The following IL23R variants were observed in gnomAD, a reference collection of about 807,000 sequenced individuals.
IL23R encodes the protein interleukin-23 receptor.
Under a neutral mutation model 56.9 loss-of-function variants are expected in IL23R, and 34 were observed. The ratio of observed to expected loss-of-function variants is 0.60; its 90% CI spans 0.45 to 0.80. The LOEUF (loss-of-function observed/expected upper bound fraction) is 0.80, where lower values mean the gene tolerates loss of function less well. Among genes scored for constraint, IL23R ranks in the 30% least tolerant of loss-of-function variants. IL23R has a pLI of 0.00. For missense variants in IL23R, 635 were observed against 730.0 expected (o/e 0.87, Z 1.50); for synonymous variants, 230 against 249.2 (o/e 0.92, Z 0.73).
rs75774289 is a variant in IL23R, at chr1:67,139,344, C to A, written c.-634+183C>A. ...TACCAGTCATTTACTTTTGCTAGGC[C>A]AAGCACAGTGCCTAGCAAAAAGCAG... On this transcript the variant is annotated intron_variant, in intron 1 of 10. Coordinates refer to the IL23R transcript ENST00000637002. Among the ~76,000 whole-genome samples, 73 of 152,234 alleles carry A rather than the reference C, an allele frequency of 4.8e-4. 1 individual carries two copies. The East Asian group carries it at 0.013, about 26-fold the overall frequency.
chr1:67,165,391 G>A (rs888896891), upstream of IL23R, among the ~76,000 whole-genome samples: 27 of 152,168 alleles, frequency 1.8e-4, no homozygotes, highest in Non-Finnish European at 3.2e-4. Context: ...ATGGAAAACA[G>A]TGTGAAATAA....
At chr1:67,144,233 A>G (rs761134215) in intron 1 of IL23R, among the ~76,000 whole-genome samples, 105 of 152,206 alleles carry the variant, frequency 6.9e-4, no homozygotes, top group Non-Finnish European at 1.4e-3. Context: ...CGAAATCATT[A>G]CTACAGAGCA....
At chr1:67,218,974 T>A (rs1006128306) in intron 6 of IL23R, among the ~76,000 whole-genome samples, 3 of 149,446 alleles carry the variant, frequency 2.0e-5, no homozygotes, top group African/African-American at 4.9e-5. Context: ...CACACACATA[T>A]AAATAAATAA....
intron 5 of IL23R, among the ~76,000 whole-genome samples, chr1:67,203,729 A>G (rs1283757153): frequency 6.6e-6 from 1 of 152,238 alleles, no homozygotes; most frequent in Non-Finnish European, 1.5e-5. Context: ...TGCCACTGAG[A>G]ACAGAAGACT....
intron 1 of IL23R, among the ~76,000 whole-genome samples, chr1:67,144,343 T>G (rs943164890): frequency 2.0e-5 from 3 of 152,240 alleles, no homozygotes; most frequent in African/African-American, 4.8e-5. Context: ...TATATTGGCA[T>G]TCCTTCTAGA....
chr1:67,257,516 C>T (rs1057122857), intron 10 of IL23R, among the ~76,000 whole-genome samples: 1 of 152,090 alleles, frequency 6.6e-6, no homozygotes, highest in Non-Finnish European at 1.5e-5. Context: ...GGCACACAAA[C>T]GTTTAGTCCG....
intron 4 of IL23R, among the ~76,000 whole-genome samples, chr1:67,193,694 C>A (rs1024744505): frequency 6.6e-6 from 1 of 152,040 alleles, no homozygotes; most frequent in Non-Finnish European, 1.5e-5. Context: ...GAGGAAAAAC[C>A]AAAGTGTTGT....
intron 7 of IL23R, among the ~76,000 whole-genome samples, chr1:67,228,363 C>CATTTTTTTTT (rs1650877147): frequency 1.9e-5 from 2 of 105,790 alleles, no homozygotes; most frequent in South Asian, 3.9e-4. Context: ...TTTTTTCTTC[C>CATTTTTTTTT]TTTTTTTTTT....
chr1:67,259,147 AAT>A lies in IL23R; in HGVS notation c.*22_*23del. The stretch of plus-strand genomic sequence containing the variant: ...AAAGTAGAGCTGTGTGGTCAAAATC[AAT>A]ATGAGAAAGCTGCCTTGCAATCTGA... On this transcript the variant is annotated 3_prime_UTR_variant, in exon 11 of 11. Transcript: ENST00000347310. The A allele has an allele frequency of 6.2e-7, 1 of 1,613,004 alleles. No individual in the cohort carries two copies. Among genetic ancestry groups the A allele is most frequent in the Non-Finnish European group, 8.5e-7 (1 of 1,179,334 alleles).
In IL23R at chr1:67,176,809, C is replaced by T. The variant is rs991043624; in HGVS notation, c.368-6027C>T. ...CCTCCTCCCACCACACAACTGGCCC[C>T]GGTGTGTGATGTTCCCCTTCCTGTG... On this transcript the variant is annotated intron_variant, in intron 3 of 10. Transcript: ENST00000347310. Among the ~76,000 whole-genome samples the T allele has an allele frequency of 6.6e-5, 10 of 152,200 alleles. 1 individual carries two copies. The Middle Eastern group carries it at 0.01, about 155-fold the overall frequency.
chr1:67,246,102 G>C (rs1047262972), intron 9 of IL23R, among the ~76,000 whole-genome samples: 1 of 152,170 alleles, frequency 6.6e-6, no homozygotes, highest in African/African-American at 2.4e-5. Flanking sequence ...TTGCACAGAG[G>C]TATTTATAGT....
At chr1:67,210,775 GC>G (rs1443656421) in intron 6 of IL23R, among the ~76,000 whole-genome samples, 2 of 152,000 alleles carry the variant, frequency 1.3e-5, no homozygotes, top group Admixed American at 6.6e-5. Flanking sequence ...ACCTGGCCTG[GC>G]TTTTCTTAAT....
At chr1:67,140,928 A>G (rs1646631515) in intron 1 of IL23R, among the ~76,000 whole-genome samples, 1 of 152,202 alleles carries the variant, frequency 6.6e-6, no homozygotes, top group Non-Finnish European at 1.5e-5. Flanking sequence ...CAAATCTAGT[A>G]AATGGCAGAT....
At chr1:67,178,726 G>A (rs555616324) in intron 3 of IL23R, among the ~76,000 whole-genome samples, 1 of 152,298 alleles carries the variant, frequency 6.6e-6, no homozygotes, top group African/African-American at 2.4e-5. Context: ...TCCAGTTTTT[G>A]CCCATTCAGA....
chr1:67,168,215 C>G, intron 2 of IL23R, 25 bp downstream of exon 2: 1 of 1,490,338 alleles, frequency 6.7e-7, no homozygotes, highest in Non-Finnish European at 9.4e-7. Context: ...GTATCTATTG[C>G]TATCTTTCAT....
At chr1:67,216,817 C>T (rs1033031212) in intron 6 of IL23R, among the ~76,000 whole-genome samples, 14 of 152,270 alleles carry the variant, frequency 9.2e-5, no homozygotes, top group South Asian at 2.1e-4. Flanking sequence ...TCCTTGGCTT[C>T]GGCATTTCCA....
intron 4 of IL23R, 103 bp downstream of exon 4, chr1:67,183,062 T>C (rs1647175940): frequency 1.6e-6 from 2 of 1,269,156 alleles, no homozygotes; most frequent in Non-Finnish European, 2.3e-6. Context: ...ACATTAAATA[T>C]ATACCCTGAT....
chr1:67,162,507 T>A (rs1381828961), upstream of IL23R, among the ~76,000 whole-genome samples: 1 of 152,126 alleles, frequency 6.6e-6, no homozygotes, highest in South Asian at 2.1e-4. Flanking sequence ...TTCAAGAGGA[T>A]AGCCATAAGT....
chr1:67,214,370 A>G (rs1649691051), intron 6 of IL23R, among the ~76,000 whole-genome samples: 1 of 152,248 alleles, frequency 6.6e-6, no homozygotes, highest in African/African-American at 2.4e-5. Flanking sequence ...AGTTCAAAAA[A>G]ATCTGGCTTG....
Sources: allele counts gnomAD v4.1 joint callset (sites outside exome capture counted in the v4.1 genomes callset), GRCh38; gene constraint gnomAD v4.1.1; transcripts MANE v1.5; gene names NCBI Gene and HGNC (gene_info 2026-07-23, HGNC 2026-07-21).